GALNT2: variants seen among roughly 807,000 people sequenced by gnomAD.
GALNT2 encodes UDP-GalNAc:polypeptide N-acetylgalactosaminyltransferase 2.
In GALNT2, 31 loss-of-function variants were observed where a neutral mutation model predicts 81.4. That is an observed-to-expected ratio of 0.38 (90% CI 0.29 to 0.51). The LOEUF is 0.51. Ranked by LOEUF, GALNT2 falls within the 20% of genes least tolerant of loss-of-function variation. The probability of loss-of-function intolerance (pLI) is 0.87; values close to 1 mark genes in which losing one functional copy is unlikely to be tolerated. For synonymous variants in GALNT2, 303 were observed against 287.4 expected (o/e 1.05, Z -0.55); for missense variants, 629 against 765.7 (o/e 0.82, Z 2.11).
chr1:230,077,165 G>A (rs1003283876), intron 1 of GALNT2, among the ~76,000 whole-genome samples: 55 of 152,152 alleles, frequency 3.6e-4, no homozygotes, highest in African/African-American at 1.3e-3. Flanking sequence ...GCCCAGTGTG[G>A]GATGCCTCCC....
chr1:230,067,974 C>T lies in GALNT2; in HGVS notation c.126+568C>T, dbSNP rs548927750. Among the ~76,000 whole-genome samples the T allele has an allele frequency of 2.3e-3, 352 of 152,240 alleles. 2 individuals are homozygous for T. The highest frequency in any genetic ancestry group is 8.2e-3 in the African/African-American group (339 of 41,562). On this transcript the variant is annotated intron_variant, in intron 1 of 15. Transcript: ENST00000366672. ...GGCCGCTCCCGTGCCAAGTAAAGCC[C>T]CAGGGCCCGTGCGAGCCAGGGGCCA... is the stretch of plus-strand genomic sequence containing the variant.
At chr1:230,216,032 T>C (rs973697694) in intron 3 of GALNT2, among the ~76,000 whole-genome samples, 2 of 152,204 alleles carry the variant, frequency 1.3e-5, no homozygotes, top group African/African-American at 4.8e-5. Context: ...CAAAAACAGT[T>C]GTGGAAATAG....
At chr1:230,102,767 G>A (rs1660437940) in intron 1 of GALNT2, among the ~76,000 whole-genome samples, 1 of 152,170 alleles carries the variant, frequency 6.6e-6, no homozygotes, top group African/African-American at 2.4e-5. Flanking sequence ...GCCATTGATG[G>A]AAACAGATTC....
At chr1:230,132,947 CAGGAAGA>C (rs1046208891) in intron 1 of GALNT2, among the ~76,000 whole-genome samples, 1 of 152,156 alleles carries the variant, frequency 6.6e-6, no homozygotes, top group Non-Finnish European at 1.5e-5. Flanking sequence ...CATAAGGAAG[CAGGAAGA>C]AGGAACACAT....
At chr1:230,277,532 GA>G (rs1410246375) in intron 15 of GALNT2, among the ~76,000 whole-genome samples, 1 of 152,202 alleles carries the variant, frequency 6.6e-6, no homozygotes, top group Non-Finnish European at 1.5e-5. Context: ...AGGGGTGATT[GA>G]CAGCAACGAG....
Position 230,168,416 on chromosome 1 carries a change from C to T in GALNT2, c.127-9802C>T, listed in dbSNP as rs1239946008. 3.9e-5 allele frequency among the ~76,000 whole-genome samples: 6 copies of T among 152,196 alleles called. No homozygotes were observed. In the South Asian group the frequency reaches 6.2e-4, roughly 16 times the overall value. ...GCAGCTCTTGAAGAGAGGATGGTGG[C>T]GTGGAATAGATTCCTCTGAGGCCTT... On this transcript the variant is annotated intron_variant, in intron 1 of 15. Coordinates refer to ENST00000366672, the MANE Select transcript of GALNT2 (RefSeq NM_004481.5).
intron 14 of GALNT2, among the ~76,000 whole-genome samples, 193 bp downstream of exon 14, chr1:230,265,560 G>A (rs1294505472): frequency 6.6e-6 from 1 of 152,194 alleles, no homozygotes; most frequent in African/African-American, 2.4e-5. Flanking sequence ...ACACACTTTG[G>A]TGCATCAGCT....
chr1:230,244,797 C>T (rs2102743187), intron 7 of GALNT2, among the ~76,000 whole-genome samples: 1 of 152,344 alleles, frequency 6.6e-6, no homozygotes, highest in East Asian at 1.9e-4. Flanking sequence ...ATGCACCACA[C>T]AGCCTACTTT....
At chr1:230,076,353 A>G (rs866281599) in intron 1 of GALNT2, among the ~76,000 whole-genome samples, 4 of 152,346 alleles carry the variant, frequency 2.6e-5, no homozygotes, top group South Asian at 2.1e-4. Context: ...CTTTCTGCAC[A>G]TATTGCTGTT....
chr1:230,074,410 T>A (rs1030201573), intron 1 of GALNT2, among the ~76,000 whole-genome samples: 1 of 152,208 alleles, frequency 6.6e-6, no homozygotes, highest in African/African-American at 2.4e-5. Context: ...GGCTGTCCTC[T>A]GCATTGTATG....
chr1:230,096,402 G>T (rs143040495), intron 1 of GALNT2, among the ~76,000 whole-genome samples: 106 of 152,288 alleles, frequency 7.0e-4, no homozygotes, highest in African/African-American at 2.5e-3. Flanking sequence ...CATGGGGGTG[G>T]CATGGTTAGA....
At chr1:230,255,415 C>A (rs72647707) in intron 11 of GALNT2, 71 bp downstream of exon 11, 209 of 1,598,850 alleles carry the variant, frequency 1.3e-4, no homozygotes, top group Non-Finnish European at 5.8e-5. Context: ...TGACCTTGGG[C>A]TGTTTGAGGA....
rs541524553 is a variant in GALNT2 at position 230,271,778 on chromosome 1, G to A, written c.1441-2667G>A. ...CTTCCACGCCCTCTCCAGGTGTGCCGCTCTCCCAGCGCCTCCGCATGTCCG... is the reference window on the plus strand; with the variant it reads ...CTTCCACGCCCTCTCCAGGTGTGCCACTCTCCCAGCGCCTCCGCATGTCCG... On this transcript the variant is annotated intron_variant, in intron 14 of 15. Coordinates refer to ENST00000366672, the MANE Select transcript of GALNT2 (RefSeq NM_004481.5). The surrounding 1 kb of genome is among the most constrained non-coding windows in gnomAD (Gnocchi z 4.2). Among the ~76,000 whole-genome samples, 4 of 152,338 alleles carry A rather than the reference G, an allele frequency of 2.6e-5. No homozygotes were observed. Among genetic ancestry groups the A allele is most frequent in the South Asian group, 2.1e-4 (1 of 4,832 alleles).
chr1:230,131,123 T>G (rs1661353730), intron 1 of GALNT2, among the ~76,000 whole-genome samples: 1 of 152,110 alleles, frequency 6.6e-6, no homozygotes, highest in Non-Finnish European at 1.5e-5. Flanking sequence ...ACAAAACGTT[T>G]GTTTTTTTTT....
At chr1:230,174,521 T>TG (rs1362759385) in intron 1 of GALNT2, among the ~76,000 whole-genome samples, 1 of 152,132 alleles carries the variant, frequency 6.6e-6, no homozygotes, top group East Asian at 1.9e-4. Flanking sequence ...GCAACTGTCT[T>TG]GCATTTCTTC....
chr1:230,069,578 G>T (rs1394468883), intron 1 of GALNT2, among the ~76,000 whole-genome samples: 1 of 152,136 alleles, frequency 6.6e-6, no homozygotes, highest in African/African-American at 2.4e-5. Context: ...TCTGAAGGAG[G>T]TAAATAGAGC....
At chr1:230,263,036 T>C (rs1665925904) in intron 13 of GALNT2, 31 bp downstream of exon 13, 1 of 1,574,630 alleles carries the variant, frequency 6.4e-7, no homozygotes, top group African/African-American at 1.3e-5. Context: ...GGTTTCACTT[T>C]GTAAGGGCTT....
In GALNT2 at chr1:230,275,702, T is replaced by TATACACATAC. The variant is rs1446236104; in HGVS notation, c.1560+1145_1560+1146insTACATACACA. Among the ~76,000 whole-genome samples the TATACACATAC allele has an allele frequency of 1.1e-4, 16 of 149,594 alleles. No homozygotes were observed. The highest frequency in any genetic ancestry group is 3.7e-4 in the African/African-American group (15 of 40,732). The stretch of plus-strand genomic sequence containing the variant: ...TATACATATGTAAACACCACATATA[T>TATACACATAC]ATACACACCACATATACACACCACA... On this transcript the variant is annotated intron_variant, in intron 15 of 15. Coordinates refer to ENST00000366672, the MANE Select transcript of GALNT2 (RefSeq NM_004481.5). This position sits in a 1 kb window ranked among gnomAD's most constrained non-coding sequence, Gnocchi z 5.5.
At chr1:230,236,490 G>T in intron 5 of GALNT2, 70 bp downstream of exon 5, 2 of 1,524,052 alleles carry the variant, frequency 1.3e-6, no homozygotes, top group African/African-American at 1.4e-5. Flanking sequence ...TGTAGTGGGG[G>T]TGCTAATGAG....
Sources: gnomAD v4.1 joint callset for allele counts (sites outside exome capture counted in the v4.1 genomes callset) on GRCh38, gnomAD v4.1.1 for gene constraint, Gnocchi (gnomAD v3.1) non-coding constraint, MANE v1.5 for transcripts, NCBI Gene and HGNC (gene_info 2026-07-23, HGNC 2026-07-21) for gene names.